The following F13B variants were observed in gnomAD, a reference collection of about 807,000 sequenced individuals.
The protein encoded by F13B is TGase.
Under a neutral mutation model 79.8 loss-of-function variants are expected in F13B, and 58 were observed. That is an observed-to-expected ratio of 0.73 (90% confidence interval 0.59 to 0.90). F13B has a LOEUF of 0.90. Ranked by LOEUF, F13B falls within the 40% of genes least tolerant of loss-of-function variation. The pLI is 0.00. For synonymous variants in F13B, 283 were observed against 260.3 expected (o/e 1.09, Z -0.84); for missense variants, 773 against 777.0 (o/e 0.99, Z 0.06).
intron 1 of F13B, among the ~76,000 whole-genome samples, chr1:197,065,691 C>T (rs17549540): frequency 0.015 from 2,291 of 152,194 alleles, 52 homozygotes; most frequent in African/African-American, 0.049. Context: ...AGACTGATGA[C>T]ATTCTTACAG....
At chr1:197,055,231 TG>T (rs17514302) in intron 8 of F13B, among the ~76,000 whole-genome samples, 602 of 152,170 alleles carry the variant, frequency 4.0e-3, no homozygotes, top group Non-Finnish European at 6.6e-3. Context: ...ATCAACAAGA[TG>T]TAACAAACGT....
At chr1:197,060,008 A>G (rs1204759102) in intron 5 of F13B, among the ~76,000 whole-genome samples, 2 of 152,152 alleles carry the variant, frequency 1.3e-5, no homozygotes, top group African/African-American at 4.8e-5. Flanking sequence ...ATCTGGAAAT[A>G]TGTGGCAAAT....
chr1:197,046,629 A>C (rs1231477559), intron 10 of F13B, among the ~76,000 whole-genome samples: 1 of 152,206 alleles, frequency 6.6e-6, no homozygotes, highest in Non-Finnish European at 1.5e-5. Context: ...TCAAACTACC[A>C]TTGACTTTCT....
chr1:197,054,510 A>G (rs1044616174), intron 8 of F13B, among the ~76,000 whole-genome samples: 2 of 151,942 alleles, frequency 1.3e-5, no homozygotes, highest in African/African-American at 4.8e-5. Context: ...ACACTTATAT[A>G]TACTTAAAAA....
rs1655009105 is a variant in F13B, at chr1:197,040,710, T to C, written c.1764A>G (p.Glu588=). 1.9e-6 allele frequency: 3 copies of C among 1,611,454 alleles called. No individual in the cohort carries two copies. In the South Asian group the frequency reaches 3.3e-5, roughly 18 times the overall value. ...CLEPCTLSFT[E]MEKNNLLLKW... is the part of the protein sequence containing the mutation. ...TCAGAAGTAAATTATTCTTTTCCAT[T>C]TCAGTAAAAGATAATGTGCATGGCT... Residue 588 remains glutamate, a synonymous_variant, in exon 11 of 12, where the codon GAA becomes GAG. Transcript: ENST00000367412.
At chr1:197,055,388 G>C (rs1023282500) in intron 8 of F13B, among the ~76,000 whole-genome samples, 1 of 152,042 alleles carries the variant, frequency 6.6e-6, no homozygotes, top group African/African-American at 2.4e-5. Flanking sequence ...AATACAAGCA[G>C]AGATATTGAG....
intron 10 of F13B, among the ~76,000 whole-genome samples, chr1:197,041,440 T>C (rs996411897): frequency 2.0e-5 from 3 of 152,164 alleles, no homozygotes; most frequent in Admixed American, 2.0e-4. Flanking sequence ...TTCTAAAATA[T>C]CAAATATCAA....
In F13B at chr1:197,052,757, G is replaced by A; in HGVS notation, c.1432C>T (p.His478Tyr). 5 of 1,610,928 alleles carry A rather than the reference G, an allele frequency of 3.1e-6. No homozygotes were observed. The South Asian group carries it at 4.4e-5, about 14-fold the overall frequency. The change falls in exon 9 of 12, where the codon CAT becomes TAT. Residue 478 changes from histidine to tyrosine, a missense_variant. By Grantham distance (83) the His-to-Tyr change is moderately conservative. Coordinates refer to ENST00000367412, the MANE Select transcript of F13B (RefSeq NM_001994.3). ...MKWKYEGKVL[H>Y]GDLIDFVCKQ... ...CATACAAAATCTATTAAATCTCCAT[G>A]TAAGACTTTCCCTTCATATTTCCAC...
At chr1:197,062,011 C>T (rs894000367) in intron 2 of F13B, 42 bp from the exon 3 acceptor site, 5 of 1,523,596 alleles carry the variant, frequency 3.3e-6, no homozygotes, top group Non-Finnish European at 4.5e-6. Context: ...TGAAACTAAG[C>T]TTGTCTTTTA....
intron 10 of F13B, among the ~76,000 whole-genome samples, chr1:197,047,320 AC>A (rs1187282175): frequency 5.3e-5 from 8 of 152,228 alleles, no homozygotes; most frequent in African/African-American, 1.7e-4. Context: ...CGAGAAAAAA[AC>A]AACCCCATCA....
intron 1 of F13B, among the ~76,000 whole-genome samples, chr1:197,066,819 T>A (rs2125077741): frequency 1.3e-5 from 2 of 152,276 alleles, no homozygotes; most frequent in Middle Eastern, 6.8e-3. Flanking sequence ...TAGGAATGGA[T>A]TCTAGCATAA....
At chr1:197,060,307 A>T in intron 5 of F13B, 59 bp downstream of exon 5, 1 of 1,330,814 alleles carries the variant, frequency 7.5e-7, no homozygotes, top group Non-Finnish European at 1.1e-6. Flanking sequence ...GTCAGAGCTA[A>T]TAGAGATTAA....
rs551181170 is a variant in F13B at position 197,051,668 on chromosome 1, T to G, written c.1556-789A>C. ...CATGGCCATCCTATATAGGTATATA[T>G]GCTGATTGAAGTTTGGAAGTTGGAT... On this transcript the variant is annotated intron_variant, in intron 9 of 11. Coordinates refer to ENST00000367412, the MANE Select transcript of F13B (RefSeq NM_001994.3). 1.2e-4 allele frequency among the ~76,000 whole-genome samples: 19 copies of G among 152,270 alleles called. No individual in the cohort carries two copies. The East Asian group carries it at 3.7e-3, about 29-fold the overall frequency.
rs149091258 is a variant in F13B, at chr1:197,040,539, T to A, written c.1935A>T (p.Arg645Ser). The A allele has an allele frequency of 1.7e-4, 278 of 1,610,296 alleles. No individual in the cohort carries two copies. The African/African-American group carries it at 3.4e-3, about 19-fold the overall frequency. Residue 645 changes from arginine (R) to serine (S), a missense_variant, in exon 11 of 12, where the codon AGA (arginine) becomes AGT (serine). Arg to Ser is a moderately radical substitution (Grantham distance 110, BLOSUM62 -1). Transcript: ENST00000367412. ...CTTCTTACCTTTGTCTTGGAATACA[T>A]CTTGGATATTTTAACTGCCCTCTGT... ...QCDRGQLKYP[R>S]CIPRQSTLSY...
chr1:197,042,745 T>TTTGGGAGGCCGAGGCGGGC (rs1333533185), intron 10 of F13B, among the ~76,000 whole-genome samples: 1 of 60,908 alleles, frequency 1.6e-5, no homozygotes, highest in South Asian at 8.7e-4. Context: ...CTCTTGAACC[T>TTTGGGAGGCCGAGGCGGGC]AGAAGGTGGA....
intron 5 of F13B, among the ~76,000 whole-genome samples, chr1:197,058,324 A>T (rs1341442382): frequency 6.6e-6 from 1 of 152,152 alleles, no homozygotes; most frequent in Non-Finnish European, 1.5e-5. Context: ...AATACTGACC[A>T]CACTACTTTC....
intron 1 of F13B, among the ~76,000 whole-genome samples, chr1:197,063,551 C>T (rs1044976445): frequency 2.6e-4 from 39 of 152,076 alleles, no homozygotes; most frequent in Non-Finnish European, 5.1e-4. Flanking sequence ...AACTCCTGGA[C>T]TCAAAGGATC....
chr1:197,061,944 A>G lies in F13B; in HGVS notation c.291T>C (p.Ser97=). Residue 97 remains serine, a synonymous_variant, in exon 3 of 12, where the codon AGT becomes AGC. Coordinates refer to ENST00000367412, the MANE Select transcript of F13B (RefSeq NM_001994.3). ...ACTTTACATCAGAGATGTAACCATT[A>G]CTCAGGTCAGGCTTAGTGCATTTTT... The part of the protein sequence containing the change: ...CFKKCTKPDL[S]NGYISDVKLL... 6.2e-7 allele frequency: 1 copy of G among 1,612,642 alleles called. No individual in the cohort carries two copies. The highest frequency in any genetic ancestry group is 8.5e-7 in the Non-Finnish European group (1 of 1,179,160).
At chr1:197,066,301 C>A (rs17514494) in intron 1 of F13B, among the ~76,000 whole-genome samples, 13 of 152,232 alleles carry the variant, frequency 8.5e-5, no homozygotes, top group Middle Eastern at 3.4e-3. Flanking sequence ...TTAATTTCAA[C>A]AAATTCCCAA....
Sources: gnomAD v4.1 joint callset for allele counts (sites outside exome capture counted in the v4.1 genomes callset) on GRCh38, gnomAD v4.1.1 for gene constraint, MANE v1.5 for transcripts, NCBI Gene and HGNC (gene_info 2026-07-23, HGNC 2026-07-21) for gene names.